FAM20C: variants seen among roughly 807,000 people sequenced by gnomAD.
FAM20C encodes FAM20C golgi associated secretory pathway kinase, also known as extracellular serine/threonine protein kinase FAM20C.
A neutral mutation model predicts 51.5 loss-of-function variants in FAM20C; 40 were observed. That is an observed-to-expected ratio of 0.78 (90% confidence interval 0.60 to 1.01). The LOEUF is 1.01. Ranked by LOEUF, FAM20C falls within the 50% of genes least tolerant of loss-of-function variation. The pLI is 0.00. For missense variants in FAM20C, 861 were observed against 844.7 expected (o/e 1.02, Z -0.24); for synonymous variants, 406 against 380.6 (o/e 1.07, Z -0.78).
chr7:247,263 G>A lies in FAM20C; in HGVS notation c.956+756G>A, dbSNP rs559264142. Among the ~76,000 whole-genome samples the A allele has an allele frequency of 1.4e-3, 208 of 152,320 alleles. 1 individual carries two copies. The highest frequency in any genetic ancestry group is 4.1e-3 in the African/African-American group (169 of 41,580). ...CTGCTGCTGGGAAAGTGGGGGGTCCGTGTTCAGTGCCCTCCAAGGGCAGTA... is the reference window on the plus strand; with the variant it reads ...CTGCTGCTGGGAAAGTGGGGGGTCCATGTTCAGTGCCCTCCAAGGGCAGTA... On this transcript the variant is annotated intron_variant, in intron 4 of 9. Transcript: ENST00000313766.
chr7:197,905 T>C (rs536146160), intron 2 of FAM20C, among the ~76,000 whole-genome samples: 1 of 152,326 alleles, frequency 6.6e-6, no homozygotes, highest in Admixed American at 6.5e-5. Context: ...CTTGGCTCAC[T>C]GCCACCCCTC....
chr7:244,299 G>C (rs1788063649), intron 3 of FAM20C, among the ~76,000 whole-genome samples: 1 of 152,148 alleles, frequency 6.6e-6, no homozygotes, highest in Non-Finnish European at 1.5e-5. Flanking sequence ...CTAGTGTTCT[G>C]TGGAATGAGT....
At chr7:193,930 G>C (rs750593988) in intron 1 of FAM20C, 126 bp downstream of exon 1, 65 of 1,352,426 alleles carry the variant, frequency 4.8e-5, no homozygotes, top group Non-Finnish European at 5.8e-5. Flanking sequence ...TGTGGTGCGG[G>C]AGGAGGCAGC....
chr7:256,950 G>A, intron 7 of FAM20C, 55 bp from the exon 8 acceptor site: 1 of 1,525,282 alleles, frequency 6.6e-7, no homozygotes, highest in East Asian at 2.4e-5. Flanking sequence ...AGAGGCCTCT[G>A]AGCTACGTGG....
intron 3 of FAM20C, among the ~76,000 whole-genome samples, chr7:244,532 G>A (rs142818623): frequency 1.3e-5 from 2 of 152,144 alleles, no homozygotes; most frequent in Admixed American, 6.5e-5. Flanking sequence ...TCAGGATCCC[G>A]GCCAGTCTGG....
chr7:216,708 T>A (rs931537761), intron 3 of FAM20C, among the ~76,000 whole-genome samples: 2 of 133,990 alleles, frequency 1.5e-5, no homozygotes, highest in Non-Finnish European at 3.1e-5. Context: ...TGAGACAGAG[T>A]GTGTGTGTGT....
chr7:253,997 T>C (rs1788500283), intron 5 of FAM20C, among the ~76,000 whole-genome samples: 1 of 152,190 alleles, frequency 6.6e-6, no homozygotes, highest in African/African-American at 2.4e-5. Context: ...CGAGACAGGA[T>C]TGCAGCTGGT....
intron 1 of FAM20C, 106 bp downstream of exon 1, chr7:193,910 G>C: frequency 7.1e-7 from 1 of 1,400,052 alleles, no homozygotes; most frequent in Non-Finnish European, 9.4e-7. Flanking sequence ...GGAAGAGGCC[G>C]GGCAGGGAGT....
At chr7:215,598 G>C (rs79516743) in intron 3 of FAM20C, among the ~76,000 whole-genome samples, 1 of 154 alleles carries the variant, frequency 6.5e-3, no homozygotes, top group Non-Finnish European at 0.011. Context: ...AGCAGGGCCC[G>C]TGGTGTATGG....
rs1207791749 is a variant in FAM20C at position 248,311 on chromosome 7, C to CAGGGACA, written c.957-4_957-3insAGGGACA. 1 of 1,530,018 alleles carries CAGGGACA rather than the reference C, an allele frequency of 6.5e-7. No individual in the cohort carries two copies. Among genetic ancestry groups the CAGGGACA allele is most frequent in the African/African-American group, 1.4e-5 (1 of 71,442 alleles). 94.8% of individuals were successfully genotyped at this position (1,530,018 alleles called of 1,614,324 possible). A position where few individuals can be genotyped will look rare whatever the true frequency, so the allele number is the denominator to read the frequency against. ...CAGACCATTCCCCGCCCGTTTCTTG[C>CAGGGACA]CAGGATCCTGGACTTCCGCCGGGTC... On this transcript the variant is annotated splice_polypyrimidine_tract_variant and splice_region_variant and intron_variant, in intron 4 of 9. Coordinates refer to ENST00000313766, the MANE Select transcript of FAM20C (RefSeq NM_020223.4).
In FAM20C at chr7:196,720, C is replaced by T. The variant is rs540736534; in HGVS notation, c.784+988C>T. On this transcript the variant is annotated intron_variant, in intron 2 of 9. Coordinates refer to ENST00000313766, the MANE Select transcript of FAM20C (RefSeq NM_020223.4). ...TTGCTGACACAGGACTTAGGTGTCC[C>T]CTTTCAGGCCAGCAGGTAGGTTCTC... Among the ~76,000 whole-genome samples, 164 of 152,306 alleles carry T rather than the reference C, an allele frequency of 1.1e-3. 1 individual carries two copies. In the South Asian group the frequency reaches 0.016, roughly 15 times the overall value.
intron 3 of FAM20C, among the ~76,000 whole-genome samples, chr7:209,965 G>A (rs896666863): frequency 3.9e-5 from 6 of 152,192 alleles, no homozygotes; most frequent in Non-Finnish European, 5.9e-5. Flanking sequence ...GCCCTGCCCC[G>A]GTCTTCCCCC....
At chr7:208,165 A>G (rs1030891987) in intron 2 of FAM20C, among the ~76,000 whole-genome samples, 9 of 150,726 alleles carry the variant, frequency 6.0e-5, no homozygotes, top group African/African-American at 2.2e-4. Flanking sequence ...GTGGTCGTGC[A>G]GGGGTATGTA....
chr7:209,689 G>A (rs1381189732), intron 3 of FAM20C, among the ~76,000 whole-genome samples: 2 of 152,222 alleles, frequency 1.3e-5, no homozygotes, highest in African/African-American at 4.8e-5. Context: ...CACAGGAAGG[G>A]GCCAGCGGCC....
chr7:228,783 G>A (rs79852140), intron 3 of FAM20C: 29,059 of 456,102 alleles, frequency 0.064, 1,091 homozygotes, highest in Non-Finnish European at 0.086. Flanking sequence ...CGACTCTCAC[G>A]GCTCCTGCTG....
intron 3 of FAM20C, among the ~76,000 whole-genome samples, chr7:214,427 C>G (rs565264990): frequency 1.4e-4 from 21 of 152,296 alleles, no homozygotes; most frequent in African/African-American, 4.8e-4. Context: ...AATTTAGTTA[C>G]TTTTGTTATT....
chr7:194,867 T>C (rs1785773127), intron 1 of FAM20C, among the ~76,000 whole-genome samples: 1 of 151,624 alleles, frequency 6.6e-6, no homozygotes, highest in Non-Finnish European at 1.5e-5. Flanking sequence ...GTTCCGCGTT[T>C]CCCTCCAGCC....
chr7:249,015 G>A (rs1788291634), intron 5 of FAM20C, among the ~76,000 whole-genome samples: 1 of 152,036 alleles, frequency 6.6e-6, no homozygotes, highest in African/African-American at 2.4e-5. Context: ...GCCACCATCA[G>A]GGTTTAACCA....
At chr7:216,900 G>A (rs962400651) in intron 3 of FAM20C, among the ~76,000 whole-genome samples, 11 of 152,224 alleles carry the variant, frequency 7.2e-5, no homozygotes, top group African/African-American at 2.2e-4. Context: ...CACATGGCCC[G>A]CTGGGGCCTG....
Sources: gnomAD v4.1 joint callset for allele counts (sites outside exome capture counted in the v4.1 genomes callset) on GRCh38, gnomAD v4.1.1 for gene constraint, MANE v1.5 for transcripts, NCBI Gene and HGNC (gene_info 2026-07-23, HGNC 2026-07-21) for gene names.